Variants in TLR6 observed in about 807,000 individuals in gnomAD.
TLR6 encodes the protein toll like receptor 6, also known as toll-like receptor 6.
Under a neutral mutation model 16.1 loss-of-function variants are expected in TLR6, and 9 were observed. The ratio of observed to expected loss-of-function variants is 0.56; its 90% CI spans 0.34 to 0.98. TLR6 has a LOEUF of 0.98. Ranked by LOEUF, TLR6 falls within the 50% of genes least tolerant of loss-of-function variation. The probability of loss-of-function intolerance (pLI) is 0.02; values close to 1 mark genes in which losing one functional copy is unlikely to be tolerated. For synonymous variants in TLR6, 340 were observed against 338.6 expected (o/e 1.00, Z -0.04); for missense variants, 786 against 921.0 (o/e 0.85, Z 1.90).
At chr4:38,848,447 T>C (rs79374697) in intron 1 of TLR6, among the ~76,000 whole-genome samples, 4,751 of 152,248 alleles carry the variant, frequency 0.031, 217 homozygotes, top group African/African-American at 0.087. Flanking sequence ...GACTTTGACA[T>C]GTTGAGAGAT....
chr4:38,841,916 T>G (rs981380222), intron 1 of TLR6, among the ~76,000 whole-genome samples: 5 of 152,248 alleles, frequency 3.3e-5, no homozygotes, highest in African/African-American at 4.8e-5. Context: ...ATTTATAAAA[T>G]ATTGTCATGT....
exon 2 of TLR6, chr4:38,827,873 G>A (rs1257913857): frequency 1.2e-6 from 2 of 1,614,082 alleles, no homozygotes; most frequent in South Asian, 2.2e-5. Flanking sequence ...TAGCTCACAG[G>A]TACATTGGAA....
At chr4:38,859,491 A>T (rs542269039), upstream of TLR6, among the ~76,000 whole-genome samples, 1 of 151,942 alleles carries the variant, frequency 6.6e-6, no homozygotes, top group African/African-American at 2.4e-5. Flanking sequence ...AGGCATATGA[A>T]TCTTTTTTTC....
At chr4:38,832,974 T>C (rs1294353672) in intron 1 of TLR6, among the ~76,000 whole-genome samples, 1 of 151,712 alleles carries the variant, frequency 6.6e-6, no homozygotes, top group Non-Finnish European at 1.5e-5. Flanking sequence ...TGAGGACAGG[T>C]CCACCATGCC....
At chr4:38,859,288 A>G, upstream of TLR6, among the ~76,000 whole-genome samples, 1 of 152,222 alleles carries the variant, frequency 6.6e-6, no homozygotes, top group Admixed American at 6.5e-5. Flanking sequence ...TATTGCAGTC[A>G]CAATGCAAGG....
chr4:38,858,883 GAAAGAGAGAA>G (rs1713126112), upstream of TLR6, among the ~76,000 whole-genome samples: 4 of 67,424 alleles, frequency 5.9e-5, no homozygotes, highest in South Asian at 1.4e-3. Context: ...AAGAAAGAAA[GAAAGAGAGAA>G]AGAAAGAAAG....
chr4:38,827,240 G>T, exon 2 of TLR6: 1 of 1,614,142 alleles, frequency 6.2e-7, no homozygotes, highest in Non-Finnish European at 8.5e-7. Flanking sequence ...GTACTTGTTG[G>T]GAATGCTGTT....
At chr4:38,868,080 T>C in the TLR6 span, 2 of 414,032 alleles carry the variant, frequency 4.8e-6, no homozygotes, top group Non-Finnish European at 9.9e-6. Context: ...TGAGTGTGTG[T>C]CGCTCCGGGT....
upstream of TLR6, among the ~76,000 whole-genome samples, chr4:38,860,031 T>C (rs958086039): frequency 1.3e-5 from 2 of 152,106 alleles, no homozygotes; most frequent in African/African-American, 4.8e-5. Flanking sequence ...CAAAACATTA[T>C]TTTGATGACT....
In TLR6 at chr4:38,836,149, A is replaced by G. The variant is rs375489110; in HGVS notation, c.-64-6612T>C. 1.6e-3 allele frequency among the ~76,000 whole-genome samples: 243 copies of G among 152,246 alleles called. 2 individuals are homozygous for G. In the Middle Eastern group the frequency reaches 0.024, roughly 15 times the overall value. On this transcript the variant is annotated intron_variant, in intron 1 of 1. Transcript: ENST00000436693. ...ACTAAAGCTCAGAGAACTAAACAAA[A>G]GAGATATTTAAAAATAGAAAAGATC...
chr4:38,842,352 A>G (rs1177543236), intron 1 of TLR6, among the ~76,000 whole-genome samples: 1 of 152,208 alleles, frequency 6.6e-6, no homozygotes, highest in Non-Finnish European at 1.5e-5. Context: ...CCTGACCAAA[A>G]CTAGCCATAA....
chr4:38,822,921 G>C (rs1727388154), downstream of TLR6, among the ~76,000 whole-genome samples: 1 of 152,210 alleles, frequency 6.6e-6, no homozygotes, highest in Non-Finnish European at 1.5e-5. Flanking sequence ...AGGTTTATTG[G>C]ACCTACAGTT....
chr4:38,839,724 C>T (rs1712154595), intron 1 of TLR6, among the ~76,000 whole-genome samples: 1 of 152,214 alleles, frequency 6.6e-6, no homozygotes, highest in Admixed American at 6.5e-5. Context: ...TACCAGCCAA[C>T]ATTACTTATT....
the TLR6 span, among the ~76,000 whole-genome samples, chr4:38,865,683 C>T: frequency 5.9e-5 from 9 of 152,258 alleles, no homozygotes; most frequent in African/African-American, 1.7e-4. Context: ...GGGACTGTGC[C>T]GAGCAATGCT....
intron 1 of TLR6, among the ~76,000 whole-genome samples, chr4:38,850,741 G>A (rs1034035050): frequency 9.2e-5 from 14 of 152,128 alleles, no homozygotes; most frequent in Admixed American, 7.9e-4. Context: ...ATAATTAATA[G>A]CCTACCAACC....
chr4:38,829,477 G>A (rs746738496), exon 2 of TLR6: 2 of 1,586,448 alleles, frequency 1.3e-6, no homozygotes, highest in Non-Finnish European at 8.6e-7. Context: ...TGGTCATGAT[G>A]TTGCAGTGGC....
chr4:38,846,998 T>A (rs1451800247), intron 1 of TLR6, among the ~76,000 whole-genome samples: 1 of 152,132 alleles, frequency 6.6e-6, no homozygotes, highest in East Asian at 1.9e-4. Flanking sequence ...AGCTGTGTCC[T>A]GAAGAAAAAA....
chr4:38,839,802 A>G (rs1303350421), intron 1 of TLR6, among the ~76,000 whole-genome samples: 1 of 152,212 alleles, frequency 6.6e-6, no homozygotes, highest in East Asian at 1.9e-4. Flanking sequence ...TATAAGTACC[A>G]GGTAGAAAAT....
At chr4:38,858,750 A>C (rs1411923924), upstream of TLR6, among the ~76,000 whole-genome samples, 4 of 74,580 alleles carry the variant, frequency 5.4e-5, 1 homozygote, top group African/African-American at 3.5e-4. Flanking sequence ...AAAGAGAGAG[A>C]GAGAGAGGGA....
Sources: gnomAD v4.1 joint callset for allele counts (sites outside exome capture counted in the v4.1 genomes callset) on GRCh38, gnomAD v4.1.1 for gene constraint, MANE v1.5 for transcripts, NCBI Gene and HGNC (gene_info 2026-07-23, HGNC 2026-07-21) for gene names.